The following TSPAN5 variants were observed in gnomAD, a reference collection of about 807,000 sequenced individuals.
TSPAN5 encodes tetraspanin-5.
In TSPAN5, 10 loss-of-function variants were observed where a neutral mutation model predicts 37.1. The ratio of observed to expected loss-of-function variants is 0.27; its 90% CI spans 0.17 to 0.46. The LOEUF (loss-of-function observed/expected upper bound fraction) is 0.46. Among genes scored for constraint, TSPAN5 ranks in the 20% least tolerant of loss-of-function variants. TSPAN5 has a pLI of 1.00. For missense variants in TSPAN5, 195 were observed against 326.6 expected (o/e 0.60, Z 3.11); for synonymous variants, 110 against 118.9 (o/e 0.93, Z 0.48).
At chr4:98,517,900 G>A (rs1753769851) in intron 1 of TSPAN5, among the ~76,000 whole-genome samples, 1 of 152,196 alleles carries the variant, frequency 6.6e-6, no homozygotes, top group Non-Finnish European at 1.5e-5. Flanking sequence ...TCTGAAGGCT[G>A]AGAAAGACTG....
At chr4:98,528,808 T>G (rs981026827) in intron 1 of TSPAN5, among the ~76,000 whole-genome samples, 1 of 152,212 alleles carries the variant, frequency 6.6e-6, no homozygotes, top group Non-Finnish European at 1.5e-5. Context: ...GCAAGGTGTA[T>G]GTACAAGGGC....
chr4:98,609,133 A>G (rs1756115736), intron 1 of TSPAN5, among the ~76,000 whole-genome samples: 1 of 152,204 alleles, frequency 6.6e-6, no homozygotes, highest in Non-Finnish European at 1.5e-5. Context: ...ATGAAAAGAA[A>G]AAAAACCCAA....
chr4:98,532,843 T>C (rs1754127601), intron 1 of TSPAN5, among the ~76,000 whole-genome samples: 1 of 152,204 alleles, frequency 6.6e-6, no homozygotes, highest in African/African-American at 2.4e-5. Context: ...TAAATAGCTC[T>C]TATTATTTTG....
chr4:98,513,493 G>T (rs947142051), intron 1 of TSPAN5, among the ~76,000 whole-genome samples: 1 of 152,136 alleles, frequency 6.6e-6, no homozygotes, highest in Non-Finnish European at 1.5e-5. Context: ...GCTGAAATAC[G>T]GTGAAACGGT....
intron 1 of TSPAN5, among the ~76,000 whole-genome samples, chr4:98,623,264 C>T (rs1423839392): frequency 6.6e-6 from 1 of 152,142 alleles, no homozygotes; most frequent in African/African-American, 2.4e-5. Flanking sequence ...AGAATCTGGT[C>T]ATGTACTTAA....
Position 98,599,423 on chromosome 4 carries a change from AC to A in TSPAN5, c.81+58722del, listed in dbSNP as rs570261532. Among the ~76,000 whole-genome samples the A allele has an allele frequency of 2.6e-3, 396 of 152,332 alleles. 3 individuals are homozygous for A. The highest frequency in any genetic ancestry group is 9.3e-3 in the African/African-American group (388 of 41,580). ...CAAATGTCTTTACTTTTTAAAAGAA[AC>A]TTTTTAAAAAAATTCAACTTTGAGG... On this transcript the variant is annotated intron_variant, in intron 1 of 7. Transcript: ENST00000305798.
chr4:98,503,789 T>G (rs965596883), intron 2 of TSPAN5, among the ~76,000 whole-genome samples: 3 of 152,242 alleles, frequency 2.0e-5, no homozygotes, highest in African/African-American at 7.2e-5. Flanking sequence ...GCACAAGCCC[T>G]GCCCATGCTA....
intron 2 of TSPAN5, among the ~76,000 whole-genome samples, chr4:98,491,853 A>AGT (rs1175871699): frequency 6.6e-6 from 1 of 152,174 alleles, no homozygotes; most frequent in African/African-American, 2.4e-5. Flanking sequence ...AAGAAGTGCT[A>AGT]GTATATGCCT....
chr4:98,616,737 T>C (rs1194408156), intron 1 of TSPAN5, among the ~76,000 whole-genome samples: 1 of 152,188 alleles, frequency 6.6e-6, no homozygotes, highest in East Asian at 1.9e-4. Context: ...TTGCAACCAG[T>C]ATTGTTCCAA....
intron 4 of TSPAN5, among the ~76,000 whole-genome samples, chr4:98,479,704 G>A (rs1752792535): frequency 6.6e-6 from 1 of 152,172 alleles, no homozygotes; most frequent in Non-Finnish European, 1.5e-5. Flanking sequence ...TGGTTGTGTA[G>A]CTTCACGTCC....
chr4:98,481,996 T>G lies in TSPAN5; in HGVS notation c.450+9A>C. ...CTTTCAACTTGAAAACAAACCACTT[T>G]AAACTTACATATTCCTGGGTGAAGT... is the stretch of plus-strand genomic sequence containing the variant. On this transcript the variant is annotated intron_variant, in intron 4 of 7. Coordinates refer to ENST00000305798, the MANE Select transcript of TSPAN5 (RefSeq NM_005723.4). 2 of 1,613,524 alleles carry G rather than the reference T, an allele frequency of 1.2e-6. No homozygotes were observed. The highest frequency in any genetic ancestry group is 1.7e-6 in the Non-Finnish European group (2 of 1,179,804).
chr4:98,518,827 C>T (rs1190728179), intron 1 of TSPAN5, among the ~76,000 whole-genome samples: 1 of 152,170 alleles, frequency 6.6e-6, no homozygotes, highest in Non-Finnish European at 1.5e-5. Context: ...CTTAACAAGC[C>T]CTGCAGGTAA....
chr4:98,588,984 A>T (rs931091561), intron 1 of TSPAN5, among the ~76,000 whole-genome samples: 1 of 152,152 alleles, frequency 6.6e-6, no homozygotes, highest in Non-Finnish European at 1.5e-5. Context: ...CATTCTATAC[A>T]TGAGAAAACT....
chr4:98,630,218 G>A lies in TSPAN5; in HGVS notation c.81+27928C>T, dbSNP rs185279377. On this transcript the variant is annotated intron_variant, in intron 1 of 7. Coordinates refer to ENST00000305798, the MANE Select transcript of TSPAN5 (RefSeq NM_005723.4). ...CTGCAAGGGTGCTCAAAGTGAACAA[G>A]AACAGGACAAAGGCAAAGCAGAGGA... Among the ~76,000 whole-genome samples, 7 of 152,266 alleles carry A rather than the reference G, an allele frequency of 4.6e-5. No individual in the cohort carries two copies. In the East Asian group the frequency reaches 9.7e-4, roughly 21 times the overall value.
intron 1 of TSPAN5, among the ~76,000 whole-genome samples, chr4:98,578,827 T>G (rs1755304935): frequency 6.6e-6 from 1 of 152,002 alleles, no homozygotes; most frequent in Non-Finnish European, 1.5e-5. Flanking sequence ...CTCTCCCACC[T>G]CCCCAGTCCT....
chr4:98,592,414 G>A (rs1178519489), intron 1 of TSPAN5, among the ~76,000 whole-genome samples: 6 of 138,604 alleles, frequency 4.3e-5, no homozygotes, highest in Middle Eastern at 3.7e-3. Flanking sequence ...CTAACTAAGG[G>A]ATCTCTGTTT....
At chr4:98,634,272 G>C (rs894660951) in intron 1 of TSPAN5, among the ~76,000 whole-genome samples, 1 of 152,118 alleles carries the variant, frequency 6.6e-6, no homozygotes, top group African/African-American at 2.4e-5. Flanking sequence ...GGGAGTGGCA[G>C]GGCTCTTCCA....
At chr4:98,579,817 G>A (rs1329460254) in intron 1 of TSPAN5, among the ~76,000 whole-genome samples, 2 of 152,148 alleles carry the variant, frequency 1.3e-5, no homozygotes, top group Non-Finnish European at 2.9e-5. Flanking sequence ...TAAACAATGT[G>A]AAAGAGACAA....
chr4:98,510,152 C>T lies in TSPAN5; in HGVS notation c.82-2424G>A, dbSNP rs151097880. Among the ~76,000 whole-genome samples, 369 of 152,220 alleles carry T rather than the reference C, an allele frequency of 2.4e-3. 3 individuals carry two copies. Among genetic ancestry groups the T allele is most frequent in the African/African-American group, 6.5e-3 (269 of 41,526 alleles). ...CACAACAATTTTACTCTGAAATAGG[C>T]GCTCTTATTATCCCCTTTTTAGGAA... On this transcript the variant is annotated intron_variant, in intron 1 of 7. Coordinates refer to ENST00000305798, the MANE Select transcript of TSPAN5 (RefSeq NM_005723.4).
Sources: allele counts gnomAD v4.1 joint callset (sites outside exome capture counted in the v4.1 genomes callset), GRCh38; gene constraint gnomAD v4.1.1; transcripts MANE v1.5; gene names NCBI Gene and HGNC (gene_info 2026-07-23, HGNC 2026-07-21).